GHR: variants seen among roughly 807,000 people sequenced by gnomAD.
The protein encoded by GHR is GH receptor.
A neutral mutation model predicts 67.1 loss-of-function variants in GHR; 35 were observed. That is an observed-to-expected ratio of 0.52 (90% CI 0.40 to 0.69). GHR has a LOEUF of 0.69. Among genes scored for constraint, GHR ranks in the 30% least tolerant of loss-of-function variants. GHR has a pLI of 0.00. For missense variants in GHR, 792 were observed against 764.6 expected, an observed-to-expected ratio of 1.04 and a Z score of -0.42; for synonymous variants, 272 against 269.1, an observed-to-expected ratio of 1.01 and a Z score of -0.10.
intron 1 of GHR, among the ~76,000 whole-genome samples, chr5:42,557,705 T>A (rs1051738318): frequency 6.6e-6 from 1 of 152,200 alleles, no homozygotes; most frequent in Admixed American, 6.5e-5. Context: ...TGAAGATTAA[T>A]GATAGCATCT....
chr5:42,604,660 G>A (rs1285795087), intron 2 of GHR, among the ~76,000 whole-genome samples: 1 of 151,112 alleles, frequency 6.6e-6, no homozygotes, highest in Non-Finnish European at 1.5e-5. Context: ...TGTAATAAGA[G>A]CTAAGGAAGT....
Position 42,424,489 on chromosome 5 carries a change from AGCGCGCAGAGCGCGCGGTCTTTT to A in GHR, c.-12+540_-12+562del. 9.9e-7 allele frequency: 1 copy of A among 1,009,034 alleles called. No homozygotes were observed. Among genetic ancestry groups the A allele is most frequent in the Non-Finnish European group, 1.5e-6 (1 of 668,118 alleles). 62.5% of individuals were successfully genotyped at this position (1,009,034 alleles called of 1,614,324 possible). On this transcript the variant is annotated intron_variant, in intron 1 of 9. Transcript: ENST00000230882. This position sits in a 1 kb window ranked among gnomAD's most constrained non-coding sequence, Gnocchi z 4.1. Reference sequence around the variant, plus strand: ...GAGGTCGAGCTGTGCGCGTGGACACAGCGCGCAGAGCGCGCGGTCTTTTGCGCGTTTGTGCGGGCCGCAGCCGC... The same window carrying A: ...GAGGTCGAGCTGTGCGCGTGGACACAGCGCGTTTGTGCGGGCCGCAGCCGC...
intron 1 of GHR, among the ~76,000 whole-genome samples, chr5:42,450,075 G>A (rs1463852383): frequency 6.6e-6 from 1 of 152,072 alleles, no homozygotes; most frequent in Non-Finnish European, 1.5e-5. Flanking sequence ...ATTTTTGCAT[G>A]TATGTTCATT....
intron 1 of GHR, among the ~76,000 whole-genome samples, chr5:42,535,560 C>A: frequency 6.6e-6 from 1 of 152,094 alleles, no homozygotes; most frequent in Non-Finnish European, 1.5e-5. Flanking sequence ...TGACTATGGC[C>A]TTAGAGTATA....
rs1179495949 is a variant in GHR at position 42,713,515 on chromosome 5, C to A, written c.871C>A (p.Gln291Lys). The A allele has an allele frequency of 1.5e-6, 2 of 1,306,834 alleles. No individual in the cohort carries two copies. The highest frequency in any genetic ancestry group is 1.4e-5 in the African/African-American group (1 of 69,144). The allele number at this position is 1,306,834 out of a possible 1,614,324, so 81.0% of individuals were successfully genotyped here. ...MLFVFLFSKQ[Q>K]RIKMLILPPV... is the part of the protein sequence containing the mutation. ...ATTTGTATTCTTATTTTCTAAACAGCAAAGGTAGGTGTGGAGTAGTATTCT... is the reference window on the plus strand; with the variant it reads ...ATTTGTATTCTTATTTTCTAAACAGAAAAGGTAGGTGTGGAGTAGTATTCT... Residue 291 changes from glutamine to lysine, a missense_variant, in exon 8 of 10, where the codon CAA becomes AAA. By Grantham distance (53) the Gln-to-Lys change is moderately conservative. Coordinates refer to ENST00000230882, the MANE Select transcript of GHR (RefSeq NM_000163.5).
At chr5:42,652,159 T>A (rs1755045227) in intron 3 of GHR, among the ~76,000 whole-genome samples, 1 of 152,194 alleles carries the variant, frequency 6.6e-6, no homozygotes, top group African/African-American at 2.4e-5. Flanking sequence ...ATGAAAGTAC[T>A]AGATTTTGTA....
chr5:42,451,099 T>G (rs1028704715), intron 1 of GHR, among the ~76,000 whole-genome samples: 1 of 152,190 alleles, frequency 6.6e-6, no homozygotes, highest in Admixed American at 6.5e-5. Context: ...AGAATGTATA[T>G]TCTACATTTT....
chr5:42,476,633 C>T (rs983607254), intron 1 of GHR, among the ~76,000 whole-genome samples: 1 of 152,202 alleles, frequency 6.6e-6, no homozygotes, highest in Non-Finnish European at 1.5e-5. Flanking sequence ...AAATGATTCT[C>T]CTTTTCCTCT....
chr5:42,653,047 T>G (rs1472698461), intron 3 of GHR, among the ~76,000 whole-genome samples: 1 of 152,150 alleles, frequency 6.6e-6, no homozygotes, highest in Non-Finnish European at 1.5e-5. Flanking sequence ...CATCTCATAC[T>G]GTGGTTAGGA....
At chr5:42,671,713 T>A (rs1013189061) in intron 3 of GHR, among the ~76,000 whole-genome samples, 1 of 150,672 alleles carries the variant, frequency 6.6e-6, no homozygotes, top group Non-Finnish European at 1.5e-5. Flanking sequence ...TCCCAGCACT[T>A]TGGGAGGCCG....
At chr5:42,477,641 G>A (rs1360420207) in intron 1 of GHR, among the ~76,000 whole-genome samples, 2 of 152,184 alleles carry the variant, frequency 1.3e-5, no homozygotes, top group Admixed American at 6.5e-5. Flanking sequence ...CAGTGATGAT[G>A]AGCATTTTTT....
At position 42,474,886 on chromosome 5, in the gene GHR, CTTTTT is replaced by C. The variant is rs577382742; in HGVS notation, c.-12+50943_-12+50947del. On this transcript the variant is annotated intron_variant, in intron 1 of 9. Transcript: ENST00000230882. Reference sequence around the variant, plus strand: ...ATTTTTTTCTTTTTTTTTTTTTGCCCTTTTTTTTTTTTTTTTAAACAGAGTCTCGC... The same window carrying C: ...ATTTTTTTCTTTTTTTTTTTTTGCCCTTTTTTTTTTTAAACAGAGTCTCGC... Among the ~76,000 whole-genome samples the C allele has an allele frequency of 3.0e-3, 362 of 122,186 alleles. 1 individual carries two copies. Among genetic ancestry groups the C allele is most frequent in the African/African-American group, 0.01 (329 of 32,102 alleles). The allele number at this position is 122,186 out of a possible 152,430, so 80.2% of individuals were successfully genotyped here.
intron 1 of GHR, among the ~76,000 whole-genome samples, chr5:42,542,771 T>C (rs1027414123): frequency 6.6e-6 from 1 of 152,080 alleles, no homozygotes; most frequent in African/African-American, 2.4e-5. Context: ...TACACCTTTT[T>C]TTATCCCTCA....
intron 3 of GHR, among the ~76,000 whole-genome samples, chr5:42,654,581 T>C (rs1174699356): frequency 6.6e-6 from 1 of 152,046 alleles, no homozygotes; most frequent in Admixed American, 6.5e-5. Flanking sequence ...TCTGATCTTG[T>C]CTTTTCTCCT....
rs550980292 is a variant in GHR at position 42,663,539 on chromosome 5, C to T, written c.137-25351C>T. 2.7e-5 allele frequency among the ~76,000 whole-genome samples: 4 copies of T among 150,852 alleles called. No individual in the cohort carries two copies. In the East Asian group the frequency reaches 7.7e-4, roughly 29 times the overall value. Reference sequence around the variant, plus strand: ...TGCAGAAAAGTTCTTTGACAAAATTCAACAACACTTCATGCTAAAAACTCT... The same window carrying T: ...TGCAGAAAAGTTCTTTGACAAAATTTAACAACACTTCATGCTAAAAACTCT... On this transcript the variant is annotated intron_variant, in intron 3 of 9. Coordinates refer to ENST00000230882, the MANE Select transcript of GHR (RefSeq NM_000163.5).
At position 42,720,735 on chromosome 5, in the gene GHR, A is replaced by C. The variant is rs1397895707; in HGVS notation, c.*1311A>C. 6.6e-6 allele frequency: 1 copy of C among 152,232 alleles called. No individual in the cohort carries two copies. The highest frequency in any genetic ancestry group is 1.5e-5 in the Non-Finnish European group (1 of 68,038). 9.4% of individuals were successfully genotyped at this position (152,232 alleles called of 1,614,324 possible). A position where few individuals can be genotyped will look rare whatever the true frequency, so the allele number is the denominator to read the frequency against. On this transcript the variant is annotated 3_prime_UTR_variant, in exon 10 of 10. Coordinates refer to ENST00000230882, the MANE Select transcript of GHR (RefSeq NM_000163.5). ...ACTGAAAATTATTTAAACCGCTAAA[A>C]GAAACTTTCTTTCTCACTAAATCTT... is the stretch of plus-strand genomic sequence containing the variant.
intron 1 of GHR, among the ~76,000 whole-genome samples, chr5:42,442,669 G>C (rs949619067): frequency 6.6e-6 from 1 of 152,122 alleles, no homozygotes; most frequent in Non-Finnish European, 1.5e-5. Flanking sequence ...TGTATTTCTG[G>C]GTGTAGGGCC....
chr5:42,554,535 C>T (rs1749206095), intron 1 of GHR, among the ~76,000 whole-genome samples: 1 of 152,106 alleles, frequency 6.6e-6, no homozygotes, highest in South Asian at 2.1e-4. Flanking sequence ...GCAGCTTTGG[C>T]CTGCCTTGTG....
chr5:42,593,636 A>C (rs2112603864), intron 2 of GHR, among the ~76,000 whole-genome samples: 1 of 152,296 alleles, frequency 6.6e-6, no homozygotes, highest in East Asian at 1.9e-4. Context: ...GTGCACTGGA[A>C]TGTATAGCCT....
Sources: gnomAD v4.1 joint callset for allele counts (sites outside exome capture counted in the v4.1 genomes callset) on GRCh38, gnomAD v4.1.1 for gene constraint, Gnocchi (gnomAD v3.1) non-coding constraint, MANE v1.5 for transcripts, NCBI Gene and HGNC (gene_info 2026-07-23, HGNC 2026-07-21) for gene names.